The following CSMD1 variants were observed in gnomAD, a reference collection of about 807,000 sequenced individuals.
CSMD1 encodes the protein CUB and Sushi multiple domains 1.
CSMD1 carries 213 observed loss-of-function variants against 417.5 expected under a neutral mutation model. The observed-to-expected ratio is 0.51, with a 90% CI of 0.46 to 0.57. The LOEUF is 0.57. Among genes scored for constraint, CSMD1 ranks in the 20% least tolerant of loss-of-function variants. The pLI, the probability that CSMD1 is intolerant of heterozygous loss-of-function variation, is 0.00. For synonymous variants in CSMD1, 2,862 were observed against 1,736.8 expected, an observed-to-expected ratio of 1.65 and a Z score of -16.11; for missense variants, 6,923 against 4,529.7, an observed-to-expected ratio of 1.53 and a Z score of -15.17.
rs190724717 is a variant in CSMD1 at position 3,103,797 on chromosome 8, G to A, written c.6949+2731C>T. On this transcript the variant is annotated intron_variant, in intron 46 of 69. Transcript: ENST00000635120. ...TTGCTCTTGTTGCCCAGGCTGGAGT[G>A]CAATGGCACAATCTTGGCTCACTGC... Among the ~76,000 whole-genome samples the A allele has an allele frequency of 4.0e-4, 61 of 151,872 alleles. No homozygotes were observed. The East Asian group carries it at 0.011, about 27-fold the overall frequency.
At chr8:3,561,734 C>T (rs1260932394) in intron 10 of CSMD1, among the ~76,000 whole-genome samples, 4 of 151,938 alleles carry the variant, frequency 2.6e-5, no homozygotes, top group Non-Finnish European at 4.4e-5. Flanking sequence ...GTAGTGTATC[C>T]ATGTGACAAA....
chr8:3,473,538 T>C (rs893312159), intron 11 of CSMD1, among the ~76,000 whole-genome samples: 1 of 152,214 alleles, frequency 6.6e-6, no homozygotes, highest in African/African-American at 2.4e-5. Context: ...AGATATTATT[T>C]CTTTAAAACA....
intron 3 of CSMD1, among the ~76,000 whole-genome samples, chr8:4,143,215 G>C (rs983822804): frequency 6.6e-6 from 1 of 151,138 alleles, no homozygotes; most frequent in Non-Finnish European, 1.5e-5. Flanking sequence ...TCCACAGAAC[G>C]GTGTGGTCTA....
chr8:4,944,173 AT>A (rs1253722228), intron 1 of CSMD1, among the ~76,000 whole-genome samples: 1 of 152,168 alleles, frequency 6.6e-6, no homozygotes, highest in Non-Finnish European at 1.5e-5. Flanking sequence ...AAGAGAAAAA[AT>A]CCACGAACTT....
intron 26 of CSMD1, among the ~76,000 whole-genome samples, chr8:3,252,775 C>A (rs930903115): frequency 2.6e-5 from 4 of 152,172 alleles, no homozygotes; most frequent in Non-Finnish European, 4.4e-5. Flanking sequence ...TCAACTTCTT[C>A]CTCGTTTAGT....
chr8:4,019,448 T>G (rs201421710), intron 4 of CSMD1, among the ~76,000 whole-genome samples: 1 of 21,752 alleles, frequency 4.6e-5, no homozygotes, highest in Non-Finnish European at 8.5e-5. Context: ...AAGGGAACAT[T>G]CCCTTATTAG....
intron 3 of CSMD1, among the ~76,000 whole-genome samples, chr8:4,191,456 T>G (rs771520407): frequency 2.0e-5 from 3 of 151,914 alleles, no homozygotes; most frequent in Non-Finnish European, 2.9e-5. Flanking sequence ...CTAAAAAAAA[T>G]TGAACAAGAT....
intron 11 of CSMD1, among the ~76,000 whole-genome samples, chr8:3,484,301 T>A (rs1817903630): frequency 6.6e-6 from 1 of 152,188 alleles, no homozygotes; most frequent in African/African-American, 2.4e-5. Context: ...TAACTAGTTT[T>A]TGATGAAGGC....
At chr8:4,628,300 G>A (rs964831627) in intron 2 of CSMD1, among the ~76,000 whole-genome samples, 6 of 150,548 alleles carry the variant, frequency 4.0e-5, no homozygotes, top group African/African-American at 1.2e-4. Context: ...TTTGTCATTT[G>A]CCTTTTGAGT....
intron 4 of CSMD1, among the ~76,000 whole-genome samples, 166 bp downstream of exon 4, chr8:4,031,739 C>A (rs1186746506): frequency 6.6e-6 from 1 of 152,152 alleles, no homozygotes; most frequent in Non-Finnish European, 1.5e-5. Context: ...TTATTTCTTA[C>A]ATAGTAATAA....
chr8:3,099,747 C>T (rs1356233454), intron 46 of CSMD1, among the ~76,000 whole-genome samples: 2 of 152,128 alleles, frequency 1.3e-5, no homozygotes, highest in Non-Finnish European at 2.9e-5. Context: ...TAAGCATAGC[C>T]ATTCTTATTC....
chr8:3,364,756 T>C (rs886257860), intron 20 of CSMD1, among the ~76,000 whole-genome samples: 3 of 152,198 alleles, frequency 2.0e-5, no homozygotes, highest in Non-Finnish European at 2.9e-5. Context: ...TCACCCCAGA[T>C]GCCAGCACCT....
intron 1 of CSMD1, among the ~76,000 whole-genome samples, chr8:4,671,559 G>T (rs973237280): frequency 8.5e-5 from 13 of 152,154 alleles, no homozygotes; most frequent in African/African-American, 2.9e-4. Context: ...TCCTCTCCAC[G>T]TGAATTCACC....
intron 3 of CSMD1, among the ~76,000 whole-genome samples, chr8:4,291,510 G>A (rs1013027113): frequency 6.6e-6 from 1 of 152,054 alleles, no homozygotes; most frequent in African/African-American, 2.4e-5. Flanking sequence ...CATTTCACTT[G>A]TTTTCGGAAA....
chr8:4,283,771 G>A lies in CSMD1; in HGVS notation c.415+136182C>T, dbSNP rs1275285148. Among the ~76,000 whole-genome samples, 4 of 89,918 alleles carry A rather than the reference G, an allele frequency of 4.4e-5. No homozygotes were observed. In the Admixed American group the frequency reaches 5.9e-4, roughly 13 times the overall value. The allele number at this position is 89,918 out of a possible 152,430, so 59.0% of individuals were successfully genotyped here. ...TTTATCATATTAAAATTCTGGACAT[G>A]AACCAAAAGGAGAATAAAAAAAAAA... is the stretch of plus-strand genomic sequence containing the variant. On this transcript the variant is annotated intron_variant, in intron 3 of 69. Coordinates refer to ENST00000635120, the MANE Select transcript of CSMD1 (RefSeq NM_033225.6).
intron 3 of CSMD1, among the ~76,000 whole-genome samples, chr8:4,168,435 A>C (rs1380461672): frequency 1.3e-5 from 2 of 152,002 alleles, no homozygotes; most frequent in Non-Finnish European, 1.5e-5. Flanking sequence ...TTTATATTTT[A>C]GTAATATTGC....
rs542499387 is a variant in CSMD1 at position 3,506,079 on chromosome 8, G to C, written c.1345-12353C>G. On this transcript the variant is annotated intron_variant, in intron 10 of 69. Coordinates refer to ENST00000635120, the MANE Select transcript of CSMD1 (RefSeq NM_033225.6). Reference sequence around the variant, plus strand: ...AAGTTCCTCCTGGGGTTGAGCCCTGGGGCTGTGTTCTCATAAGGAGGTGTC... The same window carrying C: ...AAGTTCCTCCTGGGGTTGAGCCCTGCGGCTGTGTTCTCATAAGGAGGTGTC... Among the ~76,000 whole-genome samples the C allele has an allele frequency of 1.0e-3, 157 of 152,262 alleles. 1 individual carries two copies. The highest frequency in any genetic ancestry group is 3.5e-3 in the African/African-American group (144 of 41,552).
chr8:4,366,584 G>A (rs1193477324), intron 3 of CSMD1, among the ~76,000 whole-genome samples: 4 of 151,998 alleles, frequency 2.6e-5, no homozygotes, highest in East Asian at 3.9e-4. Flanking sequence ...AAATTCACCA[G>A]CATCTGTTGT....
chr8:2,990,518 T>C lies in CSMD1; in HGVS notation c.8377+7493A>G, dbSNP rs118105782. ...CTCTCTCTACGAACCCATTATTATATAATAATCCTATATAGACTATACGAT... is the reference window on the plus strand; with the variant it reads ...CTCTCTCTACGAACCCATTATTATACAATAATCCTATATAGACTATACGAT... On this transcript the variant is annotated intron_variant, in intron 54 of 69. Transcript: ENST00000635120. Among the ~76,000 whole-genome samples, 25 of 152,272 alleles carry C rather than the reference T, an allele frequency of 1.6e-4. No homozygotes were observed. The East Asian group carries it at 4.5e-3, about 27-fold the overall frequency.
Sources: allele counts gnomAD v4.1 joint callset (sites outside exome capture counted in the v4.1 genomes callset), GRCh38; gene constraint gnomAD v4.1.1; transcripts MANE v1.5; gene names NCBI Gene and HGNC (gene_info 2026-07-23, HGNC 2026-07-21).